The following ELP6 variants were observed in gnomAD, a reference collection of about 807,000 sequenced individuals.
ELP6 encodes elongator acetyltransferase complex subunit 6.
A neutral mutation model predicts 28.1 loss-of-function variants in ELP6; 23 were observed. That is an observed-to-expected ratio of 0.82 (90% CI 0.59 to 1.16). The LOEUF (loss-of-function observed/expected upper bound fraction) is 1.16. Ranked by LOEUF, ELP6 falls within the 50% of genes most tolerant of loss-of-function variation. ELP6 has a pLI of 0.00. For synonymous variants in ELP6, 132 were observed against 135.8 expected (o/e 0.97, Z 0.19); for missense variants, 313 against 334.6 (o/e 0.94, Z 0.50).
In ELP6 at chr3:47,509,809, C is replaced by T. The variant is rs370655296; in HGVS notation, c.204+375G>A. ...TTTTTGAGACAGAGTCTTGTTCTGTCGCCAAGCTGGAGTGCGATCTCAGCT... is the reference window on the plus strand; with the variant it reads ...TTTTTGAGACAGAGTCTTGTTCTGTTGCCAAGCTGGAGTGCGATCTCAGCT... On this transcript the variant is annotated intron_variant, in intron 3 of 6. Transcript: ENST00000296149. 18 of 158,042 alleles carry T rather than the reference C, an allele frequency of 1.1e-4. No individual in the cohort carries two copies. In the South Asian group the frequency reaches 2.6e-3, roughly 23 times the overall value. The allele number at this position is 158,042 out of a possible 1,614,324, so 9.8% of individuals were successfully genotyped here. A position where few individuals can be genotyped will look rare whatever the true frequency, so the allele number is the denominator to read the frequency against.
intron 4 of ELP6, chr3:47,502,377 C>G: frequency 1.0e-6 from 1 of 971,412 alleles, no homozygotes; most frequent in South Asian, 4.8e-5. Context: ...GATCATCCCA[C>G]TGCACTCCAA....
At position 47,504,364 on chromosome 3, in the gene ELP6, C is replaced by T. The variant is rs751435514; in HGVS notation, c.289G>A (p.Ala97Thr). The T allele has an allele frequency of 1.9e-6, 3 of 1,610,416 alleles. No homozygotes were observed. The African/African-American group carries it at 4.0e-5, about 22-fold the overall frequency. Residue 97 changes from alanine (A) to threonine (T), a missense_variant, in exon 4 of 7, where the codon GCT becomes ACT. Physicochemically the swap from Ala to Thr is moderately conservative, Grantham distance 58. Transcript: ENST00000296149. ...TGCAGGGGGTGTGGCTCCTTTTGAG[C>T]CTGGAAGACGACGTCCACTGCAGAC... is the stretch of plus-strand genomic sequence containing the variant. ...LKSAVDVVFQ[A>T]QKEPHPLQFL...
intron 4 of ELP6, chr3:47,502,642 C>T: frequency 1.2e-6 from 1 of 800,612 alleles, no homozygotes. Flanking sequence ...CAAGAACAGC[C>T]TAGGCAACAG....
chr3:47,513,707 A>G lies in ELP6; in HGVS notation c.-117T>C. On this transcript the variant is annotated 5_prime_UTR_variant, in exon 1 of 7. Transcript: ENST00000296149. ...CTCGCGCAAGGAAGCGCGCATGCGC[A>G]ATGCCACTTTTGCGAGCCAGCCACA... 1 of 1,342,420 alleles carries G rather than the reference A, an allele frequency of 7.4e-7. No homozygotes were observed. Among genetic ancestry groups the G allele is most frequent in the Non-Finnish European group, 1.0e-6 (1 of 968,600 alleles). 83.2% of individuals were successfully genotyped at this position (1,342,420 alleles called of 1,614,324 possible).
At chr3:47,504,194 C>T in intron 4 of ELP6, 136 bp downstream of exon 4, 1 of 1,086,512 alleles carries the variant, frequency 9.2e-7, no homozygotes, top group Non-Finnish European at 1.3e-6. Flanking sequence ...GATGCTGCAA[C>T]ACCAGATGAA....
chr3:47,512,101 C>T, intron 1 of ELP6: 1 of 984,242 alleles, frequency 1.0e-6, no homozygotes, highest in Non-Finnish European at 1.2e-6. Flanking sequence ...GTCATCTGGA[C>T]AAGAACTGCC....
rs561512472 is a variant in ELP6 at position 47,498,505 on chromosome 3, C to A, written c.526-73G>T. The stretch of plus-strand genomic sequence containing the variant: ...CCAGAGTCAGGGAGTGCCAGCCTCT[C>A]GTTGCCTCCACTCCCCTGTACATCC... On this transcript the variant is annotated intron_variant, in intron 5 of 6. Coordinates refer to ENST00000296149, the MANE Select transcript of ELP6 (RefSeq NM_001031703.3). The A allele has an allele frequency of 7.0e-6, 11 of 1,574,100 alleles. No individual in the cohort carries two copies. The East Asian group carries it at 2.5e-4, about 35-fold the overall frequency.
chr3:47,504,251 G>C, intron 4 of ELP6, 79 bp downstream of exon 4: 3 of 1,481,428 alleles, frequency 2.0e-6, no homozygotes, highest in Non-Finnish European at 2.7e-6. Context: ...CAATAAGAAG[G>C]AATCACACAG....
In ELP6 at chr3:47,495,965, G is replaced by C; in HGVS notation, c.*104C>G. On this transcript the variant is annotated 3_prime_UTR_variant, in exon 7 of 7. Transcript: ENST00000296149. ...TGGTCACAGTGGAGTCGCCGGTCCA[G>C]CCTGAAATATTACTACAGAGGAGAA... The C allele has an allele frequency of 1.3e-6, 2 of 1,587,964 alleles. No individual in the cohort carries two copies. Among genetic ancestry groups the C allele is most frequent in the Non-Finnish European group, 1.7e-6 (2 of 1,168,188 alleles).
chr3:47,506,493 C>T (rs553774713), intron 3 of ELP6, among the ~76,000 whole-genome samples: 2 of 152,236 alleles, frequency 1.3e-5, no homozygotes, highest in East Asian at 3.9e-4. Flanking sequence ...GTTCAGAGAC[C>T]CACCCCCAAG....
At chr3:47,511,002 T>G (rs1382680289) in intron 2 of ELP6, 146 bp downstream of exon 2, 46 of 650,210 alleles carry the variant, frequency 7.1e-5, no homozygotes, top group Non-Finnish European at 9.8e-5. Context: ...TAGTAACCTG[T>G]TATCCTAATA....
In ELP6 at chr3:47,501,569, C is replaced by A. The variant is rs6791384; in HGVS notation, c.525+81G>T. 7.3e-3 allele frequency: 10,301 copies of A among 1,416,826 alleles called. 634 individuals carry two copies. The African/African-American group carries it at 0.13, about 18-fold the overall frequency. 87.8% of individuals were successfully genotyped at this position (1,416,826 alleles called of 1,614,324 possible). ...CAAAACCCCAAGCAAATAAAAAGAT[C>A]ACAGCAAGCAAGTGAGGTCTGGACC... On this transcript the variant is annotated intron_variant, in intron 5 of 6. Transcript: ENST00000296149.
chr3:47,508,304 C>A (rs377231023), intron 3 of ELP6, among the ~76,000 whole-genome samples: 1 of 152,278 alleles, frequency 6.6e-6, no homozygotes, highest in East Asian at 1.9e-4. Context: ...AGTGCAGTGG[C>A]ACGATCTTGG....
chr3:47,506,410 C>T lies in ELP6; in HGVS notation c.205-1962G>A, dbSNP rs556395504. On this transcript the variant is annotated intron_variant, in intron 3 of 6. Coordinates refer to ENST00000296149, the MANE Select transcript of ELP6 (RefSeq NM_001031703.3). Reference sequence around the variant, plus strand: ...TTCCTCTTCCTAATAAGCCTGGGAGCGCTATGGGAGACTGGGGTCTATTTC... The same window carrying T: ...TTCCTCTTCCTAATAAGCCTGGGAGTGCTATGGGAGACTGGGGTCTATTTC... 1.9e-4 allele frequency among the ~76,000 whole-genome samples: 29 copies of T among 152,236 alleles called. No individual in the cohort carries two copies. In the East Asian group the frequency reaches 1.9e-3, roughly 10 times the overall value.
At chr3:47,499,816 T>TGGCCCCAGCTGGACTGC (rs1383759442) in intron 5 of ELP6, 3 of 1,126,282 alleles carry the variant, frequency 2.7e-6, no homozygotes, top group Non-Finnish European at 1.1e-6. Context: ...TGCTGGGCTG[T>TGGCCCCAGCTGGACTGC]GGCCCCAGCT....
intron 3 of ELP6, among the ~76,000 whole-genome samples, chr3:47,507,052 TA>T (rs1353886910): frequency 6.6e-6 from 1 of 152,088 alleles, no homozygotes; most frequent in African/African-American, 2.4e-5. Flanking sequence ...AGAAACCCTT[TA>T]AGATACCTGA....
chr3:47,502,604 G>A (rs762920136), intron 4 of ELP6: 69 of 955,614 alleles, frequency 7.2e-5, no homozygotes, highest in East Asian at 1.2e-4. Flanking sequence ...GGGGGCCAGC[G>A]GGGGAGGATC....
intron 6 of ELP6, 39 bp from the exon 7 acceptor site, chr3:47,496,236 C>T (rs1708476242): frequency 6.2e-7 from 1 of 1,605,438 alleles, no homozygotes; most frequent in Admixed American, 1.7e-5. Flanking sequence ...AGCAGCCACC[C>T]CAGGACCTGC....
chr3:47,507,448 C>T (rs1708873866), intron 3 of ELP6, among the ~76,000 whole-genome samples: 1 of 151,374 alleles, frequency 6.6e-6, no homozygotes, highest in Admixed American at 6.6e-5. Context: ...CAACAAACAC[C>T]AGGAATGGTG....
Sources: gnomAD v4.1 joint callset for allele counts (sites outside exome capture counted in the v4.1 genomes callset) on GRCh38, gnomAD v4.1.1 for gene constraint, MANE v1.5 for transcripts, NCBI Gene and HGNC (gene_info 2026-07-23, HGNC 2026-07-21) for gene names.